Variants in KLHL21 observed in about 807,000 individuals in gnomAD.
KLHL21 encodes kelch like family member 21, also known as kelch-like protein 21.
Under a neutral mutation model 44.1 loss-of-function variants are expected in KLHL21, and 42 were observed. The observed-to-expected ratio is 0.95, with a 90% CI of 0.74 to 1.23. KLHL21 has a LOEUF of 1.23. Among genes scored for constraint, KLHL21 ranks in the 50% most tolerant of loss-of-function variants. KLHL21 has a pLI of 0.00. For missense variants in KLHL21, 918 were observed against 889.1 expected (o/e 1.03, Z -0.41); for synonymous variants, 524 against 411.6 (o/e 1.27, Z -3.31).
In KLHL21 at chr1:6,601,864, G is replaced by C; in HGVS notation, c.954C>G (p.Ala318=). The change falls in exon 1 of 4, where the codon GCC becomes GCG. Residue 318 remains alanine (A), a synonymous_variant. Coordinates refer to ENST00000377658, the MANE Select transcript of KLHL21 (RefSeq NM_014851.4). ...CTCCGCCCAGGTGGTCTGGGAACTC[G>C]GCCAGGTAGCGCCACTGACCCGTCT... ...NPQTGQWRYL[A]EFPDHLGGGY... is the part of the protein sequence containing the mutation. 1 of 1,577,986 alleles carries C rather than the reference G, an allele frequency of 6.3e-7. No individual in the cohort carries two copies. Among genetic ancestry groups the C allele is most frequent in the South Asian group, 1.2e-5 (1 of 86,098 alleles).
In KLHL21 at chr1:6,593,060, G is replaced by A; in HGVS notation, c.*305C>T. 1 of 389,686 alleles carries A rather than the reference G, an allele frequency of 2.6e-6. No individual in the cohort carries two copies. The allele number at this position is 389,686 out of a possible 1,614,324, so 24.1% of individuals were successfully genotyped here. A position where few individuals can be genotyped will look rare whatever the true frequency, so the allele number is the denominator to read the frequency against. ...AAGTAGGTGCAGATGACAACGGCAG[G>A]AGGGGTGTGCGCCGCGTGGGTGAGC... On this transcript the variant is annotated 3_prime_UTR_variant, in exon 4 of 4. Transcript: ENST00000377658.
chr1:6,600,412 G>C (rs1206520685), intron 1 of KLHL21, among the ~76,000 whole-genome samples: 1 of 152,194 alleles, frequency 6.6e-6, no homozygotes, highest in Non-Finnish European at 1.5e-5. Context: ...ATTACACCAG[G>C]TCTATTAGAA....
At position 6,602,018 on chromosome 1, in the gene KLHL21, C is replaced by A. The variant is rs1182334652; in HGVS notation, c.800G>T (p.Arg267Leu). ...TCGGGGACAGGGCCCGCGGTCGTGG[C>A]GGTCGTAGCGCGCCGCCTGGAAGTC... ...ARDFQAARYDRHDRGPCPRMR... is the reference protein window; with the variant it reads ...ARDFQAARYDLHDRGPCPRMR... The change falls in exon 1 of 4, where the codon CGC (arginine) becomes CTC (leucine). Residue 267 changes from arginine (R) to leucine (L), a missense_variant. Physicochemically the swap from Arg to Leu is moderately radical, Grantham distance 102. Transcript: ENST00000377658. 30 of 1,532,660 alleles carry A rather than the reference C, an allele frequency of 2.0e-5. No individual in the cohort carries two copies. Among genetic ancestry groups the A allele is most frequent in the Non-Finnish European group, 2.6e-5 (29 of 1,136,594 alleles). The allele number at this position is 1,532,660 out of a possible 1,614,324, so 94.9% of individuals were successfully genotyped here.
Position 6,599,347 on chromosome 1 carries a change from C to G in KLHL21, c.1127G>C (p.Ser376Thr), listed in dbSNP as rs1289234304. 6.2e-7 allele frequency: 1 copy of G among 1,613,756 alleles called. No individual in the cohort carries two copies. Among genetic ancestry groups the G allele is most frequent in the African/African-American group, 1.3e-5 (1 of 74,916 alleles). The change falls in exon 2 of 4, where the codon AGC becomes ACC. Residue 376 changes from serine (S) to threonine (T), a missense_variant. By Grantham distance (58) the Ser-to-Thr change is moderately conservative. Transcript: ENST00000377658. The stretch of plus-strand genomic sequence containing the variant: ...CAGCAGTCCGTCCAGCACAGAGGAG[C>G]TGTGGTACTCGCGGGCCTTCAGCAT... ...APMLKAREYHSSSVLDGLLYV... is the reference protein window; with the variant it reads ...APMLKAREYHTSSVLDGLLYV...
In KLHL21 at chr1:6,602,613, G is replaced by C; in HGVS notation, c.205C>G (p.Leu69Val). ...PYFRAMFAGQ[L>V]RESRAERVRL... Reference sequence around the variant, plus strand: ...ACCCGCTCGGCGCGGCTCTCGCGCAGCTGCCCCGCGAACATGGCGCGGAAG... The same window carrying C: ...ACCCGCTCGGCGCGGCTCTCGCGCACCTGCCCCGCGAACATGGCGCGGAAG... The change falls in exon 1 of 4, where the codon CTG becomes GTG. Residue 69 changes from leucine (L) to valine (V), a missense_variant. By Grantham distance (32) the Leu-to-Val change is conservative. Coordinates refer to ENST00000377658, the MANE Select transcript of KLHL21 (RefSeq NM_014851.4). 1 of 1,522,070 alleles carries C rather than the reference G, an allele frequency of 6.6e-7. No homozygotes were observed. The highest frequency in any genetic ancestry group is 2.5e-5 in the East Asian group (1 of 39,900). 94.3% of individuals were successfully genotyped at this position (1,522,070 alleles called of 1,614,324 possible). A position where few individuals can be genotyped will look rare whatever the true frequency, so the allele number is the denominator to read the frequency against.
rs140019298 is a variant in KLHL21 at position 6,602,064 on chromosome 1, G to T, written c.754C>A (p.Arg252Ser). 646 of 1,517,514 alleles carry T rather than the reference G, an allele frequency of 4.3e-4. 8 individuals carry two copies. In the African/African-American group the frequency reaches 8.6e-3, roughly 20 times the overall value. The allele number at this position is 1,517,514 out of a possible 1,614,324, so 94.0% of individuals were successfully genotyped here. ...PLVARCPPCLRLLREARDFQA... is the reference protein window; with the variant it reads ...PLVARCPPCLSLLREARDFQA... ...AAGTCGCGCGCCTCGCGCAGCAGGC[G>T]CAGGCAGGGTGGGCAGCGCGCCACC... Residue 252 changes from arginine to serine, a missense_variant, in exon 1 of 4, where the codon CGC becomes AGC. Physicochemically the swap from Arg to Ser is moderately radical, Grantham distance 110. Transcript: ENST00000377658.
chr1:6,602,459 G>T lies in KLHL21; in HGVS notation c.359C>A (p.Ala120Asp). 2 of 1,577,356 alleles carry T rather than the reference G, an allele frequency of 1.3e-6. No homozygotes were observed. The highest frequency in any genetic ancestry group is 2.3e-5 in the South Asian group (2 of 87,164). The change falls in exon 1 of 4, where the codon GCC becomes GAC. Residue 120 changes from alanine (A) to aspartate (D), a missense_variant. Physicochemically the swap from Ala to Asp is moderately radical, Grantham distance 126 (BLOSUM62 -2). Transcript: ENST00000377658. ...LRAADLLQFPAVKEACGAFLQ... is the reference protein window; with the variant it reads ...LRAADLLQFPDVKEACGAFLQ... The stretch of plus-strand genomic sequence containing the variant: ...GAAGGCCCCGCACGCCTCCTTCACG[G>T]CCGGGAACTGCAGCAGGTCGGCGGC...
chr1:6,591,352 A>G lies in KLHL21; in HGVS notation c.*2013T>C, dbSNP rs1051898158. On this transcript the variant is annotated 3_prime_UTR_variant, in exon 4 of 4. Coordinates refer to ENST00000377658, the MANE Select transcript of KLHL21 (RefSeq NM_014851.4). ...AGCCCTCATCTGAGTGGCCGACACA[A>G]GCCTGGAGTACGGCAGCTGCCAACC... 7.5e-5 allele frequency: 18 copies of G among 239,286 alleles called. No homozygotes were observed. Among genetic ancestry groups the G allele is most frequent in the Non-Finnish European group, 1.4e-4 (17 of 125,632 alleles). The allele number at this position is 239,286 out of a possible 1,614,324, so 14.8% of individuals were successfully genotyped here.
At position 6,602,868 on chromosome 1, in the gene KLHL21, A is replaced by G. The variant is rs1475255988; in HGVS notation, c.-51T>C. ...CGCCGCGGCCGGGGCCTGCGGAGAG[A>G]CGCGGCGCGCTAGGCACCGCTGCTA... On this transcript the variant is annotated 5_prime_UTR_variant, in exon 1 of 4. Transcript: ENST00000377658. The G allele has an allele frequency of 1.6e-6, 2 of 1,278,404 alleles. No individual in the cohort carries two copies. The highest frequency in any genetic ancestry group is 3.9e-5 in the East Asian group (1 of 25,814). 79.2% of individuals were successfully genotyped at this position (1,278,404 alleles called of 1,614,324 possible).
At position 6,592,408 on chromosome 1, in the gene KLHL21, C is replaced by T. The variant is rs1320400971; in HGVS notation, c.*957G>A. The T allele has an allele frequency of 6.6e-6, 1 of 152,264 alleles. No homozygotes were observed. The highest frequency in any genetic ancestry group is 1.5e-5 in the Non-Finnish European group (1 of 68,054). The allele number at this position is 152,264 out of a possible 1,614,324, so 9.4% of individuals were successfully genotyped here. A position where few individuals can be genotyped will look rare whatever the true frequency, so the allele number is the denominator to read the frequency against. ...GCGGCATTCACCCTCCTGCAGAAAG[C>T]TTTGGCAATGGGACTTCTTAGACTG... On this transcript the variant is annotated 3_prime_UTR_variant, in exon 4 of 4. Coordinates refer to ENST00000377658, the MANE Select transcript of KLHL21 (RefSeq NM_014851.4).
intron 3 of KLHL21, 74 bp from the exon 4 acceptor site, chr1:6,593,732 G>T (rs1461872144): frequency 6.1e-6 from 9 of 1,483,312 alleles, no homozygotes; most frequent in African/African-American, 1.4e-5. Flanking sequence ...GGAACCACTG[G>T]AGACAAGGCA....
intron 1 of KLHL21, among the ~76,000 whole-genome samples, chr1:6,600,232 G>A (rs1007312480): frequency 6.6e-6 from 1 of 152,078 alleles, no homozygotes; most frequent in African/African-American, 2.4e-5. Context: ...TTTTTGTACA[G>A]ACGGGGTTTC....
chr1:6,600,310 T>C (rs1354653801), intron 1 of KLHL21, among the ~76,000 whole-genome samples: 2 of 152,148 alleles, frequency 1.3e-5, no homozygotes, highest in Admixed American at 1.3e-4. Context: ...TATCCCAAAG[T>C]GCTGGGATTA....
At position 6,593,016 on chromosome 1, in the gene KLHL21, C is replaced by T. The variant is rs957787044; in HGVS notation, c.*349G>A. The T allele has an allele frequency of 1.1e-5, 3 of 267,902 alleles. No individual in the cohort carries two copies. The highest frequency in any genetic ancestry group is 4.8e-5 in the Admixed American group (1 of 20,796). The allele number at this position is 267,902 out of a possible 1,614,324, so 16.6% of individuals were successfully genotyped here. On this transcript the variant is annotated 3_prime_UTR_variant, in exon 4 of 4. Transcript: ENST00000377658. The stretch of plus-strand genomic sequence containing the variant: ...TCACGCGTCCCTCCCAAGTCATCGT[C>T]CTCTCCCAAGGTGGGAACAAGTAGG...
intron 2 of KLHL21, among the ~76,000 whole-genome samples, chr1:6,597,778 T>G (rs557629117): frequency 6.6e-6 from 1 of 152,320 alleles, no homozygotes; most frequent in South Asian, 2.1e-4. Context: ...AAGGGCACAG[T>G]GGGGACTGTC....
At chr1:6,601,755 G>A (rs370343323) in intron 1 of KLHL21, 42 bp downstream of exon 1, 16 of 1,496,852 alleles carry the variant, frequency 1.1e-5, no homozygotes, top group Non-Finnish European at 1.3e-5. Context: ...GTACCGGCGA[G>A]GTTCAACCCC....
chr1:6,600,409 C>T (rs1557435870), intron 1 of KLHL21, among the ~76,000 whole-genome samples: 1 of 152,124 alleles, frequency 6.6e-6, no homozygotes. Context: ...TAAATTACAC[C>T]AGGTCTATTA....
At chr1:6,598,359 C>G (rs1185934437) in intron 2 of KLHL21, among the ~76,000 whole-genome samples, 8 of 151,538 alleles carry the variant, frequency 5.3e-5, no homozygotes, top group Admixed American at 2.6e-4. Context: ...CACATGAGGT[C>G]AGGAGTTCTA....
At position 6,602,083 on chromosome 1, in the gene KLHL21, C is replaced by T. The variant is rs1448041641; in HGVS notation, c.735G>A (p.Ala245=). 1.3e-6 allele frequency: 2 copies of T among 1,487,540 alleles called. No individual in the cohort carries two copies. The highest frequency in any genetic ancestry group is 1.8e-6 in the Non-Finnish European group (2 of 1,122,968). The allele number at this position is 1,487,540 out of a possible 1,614,324, so 92.1% of individuals were successfully genotyped here. A position where few individuals can be genotyped will look rare whatever the true frequency, so the allele number is the denominator to read the frequency against. The stretch of plus-strand genomic sequence containing the variant: ...GCAGGCGCAGGCAGGGTGGGCAGCG[C>T]GCCACCAGCGGCTCGGCCTCGACGT... ...LAHVEAEPLV[A]RCPPCLRLLR... is the part of the protein sequence containing the mutation. The change falls in exon 1 of 4, where the codon GCG becomes GCA. Residue 245 remains alanine, a synonymous_variant. Coordinates refer to ENST00000377658, the MANE Select transcript of KLHL21 (RefSeq NM_014851.4).
Sources: allele counts gnomAD v4.1 joint callset (sites outside exome capture counted in the v4.1 genomes callset), GRCh38; gene constraint gnomAD v4.1.1; transcripts MANE v1.5; gene names NCBI Gene and HGNC (gene_info 2026-07-23, HGNC 2026-07-21).